The following AKAP6 variants were observed in gnomAD, a reference collection of about 807,000 sequenced individuals.
AKAP6 encodes A-kinase anchor protein 6.
A neutral mutation model predicts 188.5 loss-of-function variants in AKAP6; 58 were observed. The observed-to-expected ratio is 0.31, with a 90% CI of 0.25 to 0.38. The LOEUF (loss-of-function observed/expected upper bound fraction) is 0.38, where lower values mean the gene tolerates loss of function less well. Among genes scored for constraint, AKAP6 ranks in the 10% least tolerant of loss-of-function variants. The pLI, the probability that AKAP6 is intolerant of heterozygous loss-of-function variation, is 1.00. For synonymous variants in AKAP6, 989 were observed against 998.6 expected, an observed-to-expected ratio of 0.99 and a Z score of 0.18; for missense variants, 2,710 against 2,740.0, an observed-to-expected ratio of 0.99 and a Z score of 0.24.
At chr14:32,421,235 C>T (rs919822129) in intron 1 of AKAP6, among the ~76,000 whole-genome samples, 3 of 152,006 alleles carry the variant, frequency 2.0e-5, no homozygotes, top group Non-Finnish European at 2.9e-5. Context: ...CAACTCATGT[C>T]CTTCATTTTC....
chr14:32,788,610 A>AC (rs1480230682), intron 12 of AKAP6, among the ~76,000 whole-genome samples: 3 of 148,056 alleles, frequency 2.0e-5, no homozygotes, highest in African/African-American at 7.4e-5. Context: ...GTGAGCGTGC[A>AC]ACCCCCCCCA....
chr14:32,781,902 C>A lies in AKAP6; in HGVS notation c.3588+8009C>A, dbSNP rs564597848. On this transcript the variant is annotated intron_variant, in intron 12 of 13. Coordinates refer to ENST00000280979, the MANE Select transcript of AKAP6 (RefSeq NM_004274.5). ...AAATGTCCAGGTGTGGTGGCTCACA[C>A]CTGTAATCCCAGCACTTTGGGAGGC... Among the ~76,000 whole-genome samples the A allele has an allele frequency of 6.6e-5, 10 of 152,218 alleles. No individual in the cohort carries two copies. The South Asian group carries it at 1.9e-3, about 28-fold the overall frequency.
Position 32,577,140 on chromosome 14 carries a change from T to C in AKAP6, c.2367T>C (p.Asp789=). ...ACAAGGGGTTTGTAAACAAACTGGA[T>C]GAATTCATTCAATGGTTAAATGAAG... is the stretch of plus-strand genomic sequence containing the variant. ...EKIEGFVNKL[D]EFIQWLNEAM... The change falls in exon 5 of 14, where the codon GAT becomes GAC. Residue 789 remains aspartate, a synonymous_variant. Transcript: ENST00000280979. 6.2e-7 allele frequency: 1 copy of C among 1,610,264 alleles called. No individual in the cohort carries two copies. Among genetic ancestry groups the C allele is most frequent in the Non-Finnish European group, 8.5e-7 (1 of 1,178,786 alleles).
At chr14:32,650,800 T>A (rs1314050314) in intron 7 of AKAP6, among the ~76,000 whole-genome samples, 1 of 152,092 alleles carries the variant, frequency 6.6e-6, no homozygotes, top group Non-Finnish European at 1.5e-5. Flanking sequence ...ATGCATAGAT[T>A]TTTAATACTT....
At chr14:32,668,483 C>A (rs2139601858) in intron 7 of AKAP6, among the ~76,000 whole-genome samples, 1 of 152,130 alleles carries the variant, frequency 6.6e-6, no homozygotes, top group African/African-American at 2.4e-5. Context: ...AATTTCTCAA[C>A]TTTGTGTTTA....
intron 2 of AKAP6, among the ~76,000 whole-genome samples, chr14:32,479,620 T>C (rs1879238738): frequency 6.6e-6 from 1 of 152,190 alleles, no homozygotes; most frequent in Admixed American, 6.6e-5. Context: ...GGTTTTGCTA[T>C]GGTATGAATG....
At chr14:32,380,064 A>G (rs1223498601) in intron 1 of AKAP6, among the ~76,000 whole-genome samples, 4 of 152,094 alleles carry the variant, frequency 2.6e-5, no homozygotes, top group Non-Finnish European at 5.9e-5. Flanking sequence ...GAAGCTCTCC[A>G]TGTCATTCTC....
intron 2 of AKAP6, among the ~76,000 whole-genome samples, chr14:32,455,030 A>C (rs1471959552): frequency 6.6e-6 from 1 of 150,448 alleles, no homozygotes; most frequent in Non-Finnish European, 1.5e-5. Context: ...TGGTAGCATG[A>C]CCATGGCTCA....
intron 12 of AKAP6, among the ~76,000 whole-genome samples, chr14:32,797,560 G>C (rs1388367974): frequency 6.6e-6 from 1 of 151,946 alleles, no homozygotes; most frequent in Non-Finnish European, 1.5e-5. Flanking sequence ...GGAGCTAAAA[G>C]GCTAAATGAT....
chr14:32,520,101 G>A (rs959911250), intron 2 of AKAP6, among the ~76,000 whole-genome samples: 3 of 152,096 alleles, frequency 2.0e-5, no homozygotes, highest in African/African-American at 7.2e-5. Context: ...TGACTACTGG[G>A]TACATAACTA....
At chr14:32,504,594 AT>A (rs1037603951) in intron 2 of AKAP6, among the ~76,000 whole-genome samples, 5 of 152,108 alleles carry the variant, frequency 3.3e-5, no homozygotes, top group Admixed American at 6.6e-5. Context: ...GGAGATATTA[AT>A]TTTTTATTCC....
chr14:32,525,539 C>G (rs1166971257), intron 2 of AKAP6, among the ~76,000 whole-genome samples: 1 of 152,162 alleles, frequency 6.6e-6, no homozygotes, highest in Non-Finnish European at 1.5e-5. Flanking sequence ...CTCTTTCTAT[C>G]ATCTCTTCCA....
intron 1 of AKAP6, among the ~76,000 whole-genome samples, chr14:32,427,165 TCTC>T (rs1890062261): frequency 2.0e-5 from 3 of 152,158 alleles, no homozygotes; most frequent in Admixed American, 1.3e-4. Flanking sequence ...TTGCAGTCCT[TCTC>T]CTCACTGACA....
intron 12 of AKAP6, 117 bp from the exon 13 acceptor site, chr14:32,821,285 A>T (rs1200591649): frequency 2.7e-6 from 3 of 1,121,202 alleles, no homozygotes; most frequent in South Asian, 3.4e-5. Context: ...GCCGTCTTTC[A>T]AGTCCATGCT....
chr14:32,822,937 G>C lies in AKAP6; in HGVS notation c.5124G>C (p.Lys1708Asn). The stretch of plus-strand genomic sequence containing the variant: ...GCTCAGAGGATATTGTGTTACACAA[G>C]AACAAGATCCCGGAATCGAATGCAT... ...SLCSEDIVLH[K>N]NKIPESNASF... is the part of the protein sequence containing the mutation. The change falls in exon 13 of 14, where the codon AAG (lysine) becomes AAC (asparagine). Residue 1708 changes from lysine (K) to asparagine (N), a missense_variant. Transcript: ENST00000280979. 1 of 1,613,902 alleles carries C rather than the reference G, an allele frequency of 6.2e-7. No individual in the cohort carries two copies. Among genetic ancestry groups the C allele is most frequent in the Non-Finnish European group, 8.5e-7 (1 of 1,179,914 alleles).
chr14:32,513,356 A>T (rs1017815970), intron 2 of AKAP6, among the ~76,000 whole-genome samples: 3 of 152,338 alleles, frequency 2.0e-5, no homozygotes, highest in African/African-American at 7.2e-5. Context: ...TTAAGGAAAA[A>T]ACAATCAGAG....
chr14:32,762,100 G>A (rs1490301805), intron 11 of AKAP6, among the ~76,000 whole-genome samples: 1 of 152,110 alleles, frequency 6.6e-6, no homozygotes, highest in Non-Finnish European at 1.5e-5. Context: ...TAGTATAATG[G>A]CTAAGTCGTG....
chr14:32,377,510 T>TGAGA (rs145177834), intron 1 of AKAP6, among the ~76,000 whole-genome samples: 9 of 149,066 alleles, frequency 6.0e-5, no homozygotes, highest in East Asian at 2.0e-4. Context: ...TGTACGTGCA[T>TGAGA]GAGAGAGAGA....
intron 7 of AKAP6, among the ~76,000 whole-genome samples, chr14:32,640,971 G>A (rs1028341458): frequency 2.0e-5 from 3 of 152,106 alleles, no homozygotes; most frequent in African/African-American, 7.2e-5. Flanking sequence ...TTGGTGATGT[G>A]TTTTCATAAA....
Sources: allele counts gnomAD v4.1 joint callset (sites outside exome capture counted in the v4.1 genomes callset), GRCh38; gene constraint gnomAD v4.1.1; transcripts MANE v1.5; gene names NCBI Gene and HGNC (gene_info 2026-07-23, HGNC 2026-07-21).